STK11IP: variants seen among roughly 807,000 people sequenced by gnomAD.
STK11IP encodes the protein serine/threonine-protein kinase 11-interacting protein.
Under a neutral mutation model 131.7 loss-of-function variants are expected in STK11IP, and 103 were observed. The ratio of observed to expected loss-of-function variants is 0.78; its 90% CI spans 0.67 to 0.92. The LOEUF (loss-of-function observed/expected upper bound fraction) is 0.92, where lower values mean the gene tolerates loss of function less well. Ranked by LOEUF, STK11IP falls within the 40% of genes least tolerant of loss-of-function variation. The pLI, the probability that STK11IP is intolerant of heterozygous loss-of-function variation, is 0.00. For missense variants in STK11IP, 1,315 were observed against 1,385.7 expected (o/e 0.95, Z 0.81); for synonymous variants, 557 against 575.6 (o/e 0.97, Z 0.46).
Position 219,601,263 on chromosome 2 carries a change from C to G in STK11IP, c.90C>G (p.Thr30=). 1.2e-6 allele frequency: 2 copies of G among 1,613,940 alleles called. No homozygotes were observed. Among genetic ancestry groups the G allele is most frequent in the Non-Finnish European group, 1.7e-6 (2 of 1,179,832 alleles). Residue 30 remains threonine, a synonymous_variant, in exon 3 of 25, where the codon ACC becomes ACG. Coordinates refer to ENST00000456909, the MANE Select transcript of STK11IP (RefSeq NM_052902.4). The part of the protein sequence containing the change: ...SGDVVLSGCS[T]LSLLTPTLQQ... ...ATGTGGTCCTGTCTGGCTGTAGCAC[C>G]CTGAGCCTGCTGACTCCCACACTGC...
Position 219,601,684 on chromosome 2 carries a change from T to C in STK11IP, c.311T>C (p.Ile104Thr). 1.9e-6 allele frequency: 3 copies of C among 1,605,176 alleles called. No homozygotes were observed. The highest frequency in any genetic ancestry group is 4.5e-5 in the East Asian group (2 of 44,604). Reference protein sequence around the residue: ...AGPGPTGPIKIFPFKSLRHLE... With the variant: ...AGPGPTGPIKTFPFKSLRHLE... Reference sequence around the variant, plus strand: ...CCTGGCCCCACAGGGCCCATCAAGATTTTCCCCTTCAAATCCCTTCGGCAC... The same window carrying C: ...CCTGGCCCCACAGGGCCCATCAAGACTTTCCCCTTCAAATCCCTTCGGCAC... The change falls in exon 4 of 25, where the codon ATT becomes ACT. Residue 104 changes from isoleucine to threonine, a missense_variant. Transcript: ENST00000456909.
In STK11IP at chr2:219,609,687, C is replaced by T. The variant is rs533837336; in HGVS notation, c.2104+147C>T. The T allele has an allele frequency of 3.4e-5, 29 of 863,410 alleles. No individual in the cohort carries two copies. In the East Asian group the frequency reaches 5.7e-4, roughly 17 times the overall value. The allele number at this position is 863,410 out of a possible 1,614,324, so 53.5% of individuals were successfully genotyped here. ...GTTCTGCCTGGAGGAAAAAGAAAAC[C>T]GTCTGCCTGCTGCATTTACAAAAAG... is the stretch of plus-strand genomic sequence containing the variant. On this transcript the variant is annotated intron_variant, in intron 17 of 24. Transcript: ENST00000456909.
chr2:219,612,256 A>G (rs940118486), intron 19 of STK11IP, among the ~76,000 whole-genome samples, 198 bp downstream of exon 19: 1 of 152,186 alleles, frequency 6.6e-6, no homozygotes, highest in Non-Finnish European at 1.5e-5. Flanking sequence ...TGCAATGGAG[A>G]TAACGATGCC....
At chr2:219,598,226 TG>T (rs1697861936) in intron 2 of STK11IP, 46 bp downstream of exon 2, 4 of 1,411,278 alleles carry the variant, frequency 2.8e-6, no homozygotes, top group South Asian at 1.3e-5. Context: ...TCGGACGAGG[TG>T]GGGGTGGTGC....
chr2:219,607,895 G>C (rs996582478), intron 13 of STK11IP, among the ~76,000 whole-genome samples, 152 bp from the exon 14 acceptor site: 1 of 152,174 alleles, frequency 6.6e-6, no homozygotes, highest in Non-Finnish European at 1.5e-5. Flanking sequence ...ACACGCTTTA[G>C]TACATGCCGC....
intron 5 of STK11IP, 105 bp downstream of exon 5, chr2:219,602,188 C>G: frequency 1.2e-6 from 1 of 850,370 alleles, no homozygotes. Flanking sequence ...TCCTGCTTCC[C>G]TCTAGACAGT....
chr2:219,610,975 T>C (rs1278892787), intron 17 of STK11IP, among the ~76,000 whole-genome samples: 3 of 152,218 alleles, frequency 2.0e-5, no homozygotes, highest in Non-Finnish European at 4.4e-5. Context: ...CATAGTGGCA[T>C]AGGAGGTAGC....
intron 2 of STK11IP, chr2:219,598,438 T>G (rs527285907): frequency 3.7e-5 from 16 of 433,528 alleles, no homozygotes; most frequent in Non-Finnish European, 6.1e-5. Flanking sequence ...CAGAAGGAAG[T>G]GATCATTACC....
Position 219,612,053 on chromosome 2 carries a change from C to T in STK11IP, c.2434C>T (p.Leu812Phe). 2 of 1,599,654 alleles carry T rather than the reference C, an allele frequency of 1.3e-6. No individual in the cohort carries two copies. The highest frequency in any genetic ancestry group is 1.7e-6 in the Non-Finnish European group (2 of 1,173,724). ...TGCCCAGGAGGAGTTCCAGTGCTGC[C>T]TCAAGGTCTGTGCTCCCTGACACTG... is the stretch of plus-strand genomic sequence containing the variant. ...SDAQEEFQCC[L>F]KVPVALAGHT... Residue 812 changes from leucine to phenylalanine, a missense_variant, in exon 19 of 25, where the codon CTC becomes TTC. Coordinates refer to ENST00000456909, the MANE Select transcript of STK11IP (RefSeq NM_052902.4).
rs1574636060 is a variant in STK11IP at position 219,616,354 on chromosome 2, A to G, written c.*161A>G. On this transcript the variant is annotated 3_prime_UTR_variant, in exon 25 of 25. Transcript: ENST00000456909. The stretch of plus-strand genomic sequence containing the variant: ...TGACCCAGGGCTTAAGGGAGAGGCG[A>G]GAGAATGATCTGGCCTCAGGGGACA... 1.1e-6 allele frequency: 1 copy of G among 951,984 alleles called. No individual in the cohort carries two copies. Among genetic ancestry groups the G allele is most frequent in the East Asian group, 2.7e-5 (1 of 37,572 alleles). 59.0% of individuals were successfully genotyped at this position (951,984 alleles called of 1,614,324 possible).
Position 219,609,199 on chromosome 2 carries a change from C to T in STK11IP, c.1912C>T (p.His638Tyr), listed in dbSNP as rs772521158. 1 of 1,604,494 alleles carries T rather than the reference C, an allele frequency of 6.2e-7. No homozygotes were observed. Among genetic ancestry groups the T allele is most frequent in the Non-Finnish European group, 8.5e-7 (1 of 1,175,646 alleles). Residue 638 changes from histidine to tyrosine, a missense_variant, in exon 16 of 25, where the codon CAC becomes TAC. Physicochemically the swap from His to Tyr is moderately conservative, Grantham distance 83. Transcript: ENST00000456909. ...RRYLVLEPDA[H>Y]AAVQELLAVL... ...CTATTTGGTGCTGGAGCCTGATGCC[C>T]ACGCAGCTGTCCAGGTGATGGCGCC...
At chr2:219,615,566 C>A in intron 24 of STK11IP, 1 of 676,384 alleles carries the variant, frequency 1.5e-6, no homozygotes, top group Non-Finnish European at 2.6e-6. Context: ...GGACTGGGAG[C>A]CCAGCCATTT....
chr2:219,608,006 T>C lies in STK11IP; in HGVS notation c.1220-41T>C, dbSNP rs749500197. Reference sequence around the variant, plus strand: ...GTTGAAGGATTTGGGGCCATCTGTGTGGGGCAGGCTTGCTCAGTTCTGGGT... The same window carrying C: ...GTTGAAGGATTTGGGGCCATCTGTGCGGGGCAGGCTTGCTCAGTTCTGGGT... On this transcript the variant is annotated intron_variant, in intron 13 of 24. Transcript: ENST00000456909. 2.5e-6 allele frequency: 4 copies of C among 1,582,306 alleles called. No homozygotes were observed. In the South Asian group the frequency reaches 4.6e-5, roughly 18 times the overall value.
rs117577632 is a variant in STK11IP, at chr2:219,606,587, G to A, written c.987+70G>A. 2.1e-3 allele frequency: 3,310 copies of A among 1,608,942 alleles called. 63 individuals carry two copies. The East Asian group carries it at 0.039, about 19-fold the overall frequency. On this transcript the variant is annotated intron_variant, in intron 11 of 24. Transcript: ENST00000456909. The stretch of plus-strand genomic sequence containing the variant: ...GGGAGGGCGCTGGGGAGAGAACAGA[G>A]GGCTGGCTGGTGACAGGGTCTTCCT...
chr2:219,609,347 A>C lies in STK11IP; in HGVS notation c.1927-16A>C, dbSNP rs747441492. On this transcript the variant is annotated splice_polypyrimidine_tract_variant and intron_variant, in intron 16 of 24. Coordinates refer to ENST00000456909, the MANE Select transcript of STK11IP (RefSeq NM_052902.4). ...GTCCGCCTGCTCACAGCTGCCTCTG[A>C]TCCACCCTCTGTCAGGAGCTGCTTG... The C allele has an allele frequency of 6.2e-6, 10 of 1,612,790 alleles. No homozygotes were observed. Among genetic ancestry groups the C allele is most frequent in the Non-Finnish European group, 8.5e-6 (10 of 1,179,262 alleles).
In STK11IP at chr2:219,607,130, T is replaced by G. The variant is rs774624084; in HGVS notation, c.1212T>G (p.Ser404=). The G allele has an allele frequency of 6.2e-7, 1 of 1,613,844 alleles. No individual in the cohort carries two copies. The highest frequency in any genetic ancestry group is 8.5e-7 in the Non-Finnish European group (1 of 1,179,870). The change falls in exon 13 of 25, where the codon TCT becomes TCG. Residue 404 remains serine (S), a synonymous_variant. Transcript: ENST00000456909. The part of the protein sequence containing the change: ...TDPEPRTLNP[S]PAGWFVQQHP... ...CGGAGCCCCGAACTCTGAACCCCTC[T>G]CCGGCTGGTAAGTCAGCTTCATCCC...
chr2:219,608,906 G>A (rs1346735465), intron 15 of STK11IP, 118 bp downstream of exon 15: 2 of 1,244,582 alleles, frequency 1.6e-6, no homozygotes, highest in East Asian at 2.5e-5. Flanking sequence ...AGCCGAGGAG[G>A]GGAGCCTCAG....
intron 17 of STK11IP, chr2:219,610,130 C>T (rs1399697141): frequency 1.3e-5 from 2 of 155,242 alleles, no homozygotes; most frequent in Non-Finnish European, 2.9e-5. Flanking sequence ...GATAACAGCT[C>T]TGTGGAAATG....
rs1697860035 is a variant in STK11IP at position 219,598,198 on chromosome 2, T to C, written c.61+18T>C. On this transcript the variant is annotated intron_variant, in intron 2 of 24. Coordinates refer to ENST00000456909, the MANE Select transcript of STK11IP (RefSeq NM_052902.4). ...GGAGTCCGGTGAGTGGACTTCCGGT[T>C]GGGCTGGGCCTCGGACCTCGGACGA... 2 of 1,534,572 alleles carry C rather than the reference T, an allele frequency of 1.3e-6. No homozygotes were observed. The highest frequency in any genetic ancestry group is 1.8e-6 in the Non-Finnish European group (2 of 1,136,798).
Sources: allele counts gnomAD v4.1 joint callset (sites outside exome capture counted in the v4.1 genomes callset), GRCh38; gene constraint gnomAD v4.1.1; transcripts MANE v1.5; gene names NCBI Gene and HGNC (gene_info 2026-07-23, HGNC 2026-07-21).